SEC11A: variants seen among roughly 807,000 people sequenced by gnomAD.
SEC11A encodes signal peptidase complex catalytic subunit SEC11A.
SEC11A carries 14 observed loss-of-function variants against 25.6 expected under a neutral mutation model. The observed-to-expected ratio is 0.55, with a 90% CI of 0.36 to 0.85. The LOEUF (loss-of-function observed/expected upper bound fraction) is 0.85, where lower values mean the gene tolerates loss of function less well. SEC11A is among the 40% of genes least tolerant of loss of function. The pLI, the probability that SEC11A is intolerant of heterozygous loss-of-function variation, is 0.01. For synonymous variants in SEC11A, 83 were observed against 76.4 expected, an observed-to-expected ratio of 1.09 and a Z score of -0.45; for missense variants, 153 against 222.9, an observed-to-expected ratio of 0.69 and a Z score of 2.00.
At chr15:84,687,598 A>G (rs771136684) in intron 3 of SEC11A, 27 bp downstream of exon 3, 2 of 1,516,284 alleles carry the variant, frequency 1.3e-6, no homozygotes, top group East Asian at 5.0e-5. Flanking sequence ...AGCACTTAGA[A>G]ACAAAGATGC....
chr15:84,683,417 AAACAAACT>A (rs564121231), intron 3 of SEC11A, among the ~76,000 whole-genome samples: 84 of 147,678 alleles, frequency 5.7e-4, no homozygotes, highest in African/African-American at 1.6e-3. Context: ...ACAAACAAAC[AAACAAACT>A]AACTAACACA....
intron 1 of SEC11A, among the ~76,000 whole-genome samples, chr15:84,694,442 A>G (rs1897699412): frequency 6.6e-6 from 1 of 152,138 alleles, no homozygotes; most frequent in Admixed American, 6.6e-5. Flanking sequence ...CATTTTGATC[A>G]TCTACATTTT....
chr15:84,682,058 T>G (rs1897294775), intron 3 of SEC11A, among the ~76,000 whole-genome samples: 1 of 152,026 alleles, frequency 6.6e-6, no homozygotes. Flanking sequence ...GACACTGTCT[T>G]GAATAACAAA....
chr15:84,685,359 G>C (rs183167227), intron 3 of SEC11A, among the ~76,000 whole-genome samples: 16 of 151,688 alleles, frequency 1.1e-4, no homozygotes, highest in Non-Finnish European at 1.9e-4. Flanking sequence ...CTGGGCTCAA[G>C]TGATCCTCCT....
chr15:84,680,393 A>G (rs1173848724), intron 4 of SEC11A, among the ~76,000 whole-genome samples: 1 of 152,230 alleles, frequency 6.6e-6, no homozygotes, highest in Non-Finnish European at 1.5e-5. Context: ...TGTGGACGTA[A>G]GAGCACATGG....
rs538207590 is a variant in SEC11A at position 84,679,369 on chromosome 15, A to C, written c.431+1344T>G. On this transcript the variant is annotated intron_variant, in intron 4 of 5. Coordinates refer to ENST00000268220, the MANE Select transcript of SEC11A (RefSeq NM_014300.4). ...GGGGACATATTAAAACAACAATAAC[A>C]ACCACAGCTCTGCAGCAGGCAAAGC... 182 of 482,660 alleles carry C rather than the reference A, an allele frequency of 3.8e-4. 2 individuals are homozygous for C. The highest frequency in any genetic ancestry group is 2.9e-3 in the South Asian group (175 of 60,814). 29.9% of individuals were successfully genotyped at this position (482,660 alleles called of 1,614,324 possible). A position where few individuals can be genotyped will look rare whatever the true frequency, so the allele number is the denominator to read the frequency against.
At chr15:84,701,545 A>T (rs1401271182) in intron 1 of SEC11A, among the ~76,000 whole-genome samples, 2 of 151,978 alleles carry the variant, frequency 1.3e-5, no homozygotes, top group Non-Finnish European at 2.9e-5. Flanking sequence ...ACTCCGTTTC[A>T]AGAAAAAAAA....
At chr15:84,676,854 G>A (rs1162593284) in intron 4 of SEC11A, among the ~76,000 whole-genome samples, 1 of 151,848 alleles carries the variant, frequency 6.6e-6, no homozygotes, top group Non-Finnish European at 1.5e-5. Flanking sequence ...GACTTTGGGA[G>A]GCCAAGGTGG....
rs749051819 is a variant in SEC11A, at chr15:84,716,019, G to C, written c.51+6C>G. On this transcript the variant is annotated splice_donor_region_variant and intron_variant, in intron 1 of 5. Coordinates refer to ENST00000268220, the MANE Select transcript of SEC11A (RefSeq NM_014300.4). ...GCCAGGAGAAAAAGAGGACGGACAA[G>C]CTCACCTGCCGCTTGTTCATCCGCC... is the stretch of plus-strand genomic sequence containing the variant. The C allele has an allele frequency of 6.2e-6, 10 of 1,613,048 alleles. No homozygotes were observed. The highest frequency in any genetic ancestry group is 6.8e-6 in the Non-Finnish European group (8 of 1,179,490).
rs780344188 is a variant in SEC11A at position 84,691,648 on chromosome 15, C to A, written c.52-4G>T. 4 of 1,550,472 alleles carry A rather than the reference C, an allele frequency of 2.6e-6. No homozygotes were observed. Among genetic ancestry groups the A allele is most frequent in the Non-Finnish European group, 3.6e-6 (4 of 1,122,894 alleles). ...AATTTAGGACTTGATAATAGAGCTG[C>A]AAGAACAAAACAGAAGAGATCAGAT... On this transcript the variant is annotated splice_region_variant and splice_polypyrimidine_tract_variant and intron_variant, in intron 1 of 5. Coordinates refer to ENST00000268220, the MANE Select transcript of SEC11A (RefSeq NM_014300.4).
chr15:84,699,126 C>A (rs1897849155), intron 1 of SEC11A, among the ~76,000 whole-genome samples: 2 of 151,856 alleles, frequency 1.3e-5, no homozygotes, highest in African/African-American at 4.8e-5. Flanking sequence ...ACCAGCCTGG[C>A]CAACATGGCG....
intron 1 of SEC11A, among the ~76,000 whole-genome samples, chr15:84,709,513 G>A (rs1898198049): frequency 6.6e-6 from 1 of 150,942 alleles, no homozygotes; most frequent in East Asian, 2.0e-4. Context: ...TGTGATCTTG[G>A]CTCACTACGA....
intron 1 of SEC11A, among the ~76,000 whole-genome samples, chr15:84,698,975 C>A (rs565628964): frequency 3.9e-5 from 6 of 152,202 alleles, no homozygotes; most frequent in Admixed American, 6.5e-5. Flanking sequence ...CTCAGGAATA[C>A]AAAGGAATTA....
chr15:84,685,003 A>G (rs1226195352), intron 3 of SEC11A, among the ~76,000 whole-genome samples: 1 of 152,212 alleles, frequency 6.6e-6, no homozygotes, highest in Non-Finnish European at 1.5e-5. Context: ...CCCAAAAGAA[A>G]AAAAGAAAAT....
intron 2 of SEC11A, among the ~76,000 whole-genome samples, chr15:84,690,512 G>C (rs1897571792): frequency 5.9e-5 from 9 of 152,122 alleles, no homozygotes; most frequent in Admixed American, 5.9e-4. Flanking sequence ...ACCTGCTCAG[G>C]AGGCTAAAAT....
intron 1 of SEC11A, among the ~76,000 whole-genome samples, chr15:84,707,075 T>C (rs989448757): frequency 6.6e-6 from 1 of 151,902 alleles, no homozygotes; most frequent in Non-Finnish European, 1.5e-5. Context: ...CTTAGATCTG[T>C]CCACCCAAAC....
chr15:84,679,287 C>G, intron 4 of SEC11A: 2 of 1,250,852 alleles, frequency 1.6e-6, no homozygotes, highest in South Asian at 2.5e-5. Context: ...GCACTGATGA[C>G]CTAATTTGGA....
At chr15:84,712,269 A>T (rs1567045624) in intron 1 of SEC11A, among the ~76,000 whole-genome samples, 1 of 151,742 alleles carries the variant, frequency 6.6e-6, no homozygotes, top group Non-Finnish European at 1.5e-5. Flanking sequence ...AAGAAACCCA[A>T]CATACCTCTA....
chr15:84,674,816 T>C (rs1233673892), intron 4 of SEC11A, among the ~76,000 whole-genome samples: 1 of 152,200 alleles, frequency 6.6e-6, no homozygotes, highest in Non-Finnish European at 1.5e-5. Flanking sequence ...CATCTTGGCC[T>C]CTTAAAGTGC....
Sources: gnomAD v4.1 joint callset for allele counts (sites outside exome capture counted in the v4.1 genomes callset) on GRCh38, gnomAD v4.1.1 for gene constraint, MANE v1.5 for transcripts, NCBI Gene and HGNC (gene_info 2026-07-23, HGNC 2026-07-21) for gene names.